Variants in DCT observed in about 807,000 individuals in gnomAD.
DCT encodes the protein L-dopachrome tautomerase.
A neutral mutation model predicts 53.0 loss-of-function variants in DCT; 47 were observed. That is an observed-to-expected ratio of 0.89 (90% CI 0.70 to 1.13). The LOEUF is 1.13. DCT is among the 50% of genes most tolerant of loss of function. The pLI, the probability that DCT is intolerant of heterozygous loss-of-function variation, is 0.00. For synonymous variants in DCT, 244 were observed against 237.0 expected, an observed-to-expected ratio of 1.03 and a Z score of -0.27; for missense variants, 669 against 637.4, an observed-to-expected ratio of 1.05 and a Z score of -0.53.
Position 94,460,077 on chromosome 13 carries a change from A to G in DCT, c.1179+14T>C. 4.3e-6 allele frequency: 7 copies of G among 1,611,512 alleles called. No individual in the cohort carries two copies. The highest frequency in any genetic ancestry group is 5.1e-6 in the Non-Finnish European group (6 of 1,179,390). On this transcript the variant is annotated intron_variant, in intron 6 of 7. Transcript: ENST00000377028. ...TCTAGAAAATTTTCATGCATTCTGAATCTTTGAACATACCACAAAAATGGG... is the reference window on the plus strand; with the variant it reads ...TCTAGAAAATTTTCATGCATTCTGAGTCTTTGAACATACCACAAAAATGGG...
chr13:94,532,146 G>C, the DCT span, among the ~76,000 whole-genome samples: 1 of 152,172 alleles, frequency 6.6e-6, no homozygotes, highest in Admixed American at 6.5e-5. Context: ...ACAGATGCTG[G>C]AGAGGATGCG....
chr13:94,538,623 T>C, the DCT span, among the ~76,000 whole-genome samples: 1 of 152,218 alleles, frequency 6.6e-6, no homozygotes, highest in Non-Finnish European at 1.5e-5. Flanking sequence ...CCATAGACCG[T>C]TGTGTTGAGC....
chr13:94,520,221 C>T, the DCT span, among the ~76,000 whole-genome samples: 6 of 152,148 alleles, frequency 3.9e-5, no homozygotes, highest in African/African-American at 9.7e-5. Context: ...AAAGACAACC[C>T]TTTGTTCTCT....
At chr13:94,467,575 C>A (rs1220240021) in intron 2 of DCT, 1 of 152,054 alleles carries the variant, frequency 6.6e-6, no homozygotes, top group Admixed American at 6.6e-5. Context: ...CCTTATCTAT[C>A]GATAAAGACA....
intron 2 of DCT, 72 bp from the exon 3 acceptor site, chr13:94,466,730 G>GTA (rs1594308918): frequency 1.0e-6 from 1 of 965,802 alleles, no homozygotes; most frequent in Non-Finnish European, 1.5e-6. Flanking sequence ...TACCTGGGCT[G>GTA]TATCTATAGA....
chr13:94,461,918 C>A, intron 5 of DCT, 92 bp downstream of exon 5: 1 of 1,150,440 alleles, frequency 8.7e-7, no homozygotes, highest in South Asian at 1.6e-5. Flanking sequence ...GTAGACAACC[C>A]CCAAAACCTG....
At chr13:94,464,177 G>T (rs1884005219) in intron 4 of DCT, among the ~76,000 whole-genome samples, 3 of 152,222 alleles carry the variant, frequency 2.0e-5, no homozygotes, top group South Asian at 4.1e-4. Flanking sequence ...AAATGTACAG[G>T]ATGTGGAAGA....
the DCT span, among the ~76,000 whole-genome samples, chr13:94,549,281 C>A: frequency 6.6e-6 from 1 of 152,252 alleles, no homozygotes; most frequent in African/African-American, 2.4e-5. Flanking sequence ...TTGCTGGCCC[C>A]GTGGACAGAC....
At chr13:94,478,125 A>T (rs1207880482) in intron 1 of DCT, among the ~76,000 whole-genome samples, 1 of 151,940 alleles carries the variant, frequency 6.6e-6, no homozygotes, top group Non-Finnish European at 1.5e-5. Context: ...AGTGACAAAA[A>T]GCCATTGTTA....
At chr13:94,541,778 A>G in the DCT span, among the ~76,000 whole-genome samples, 11 of 152,328 alleles carry the variant, frequency 7.2e-5, no homozygotes, top group Admixed American at 5.9e-4. Context: ...GTATCAAAAC[A>G]TCACATGTAC....
the DCT span, among the ~76,000 whole-genome samples, chr13:94,542,064 T>C: frequency 4.1e-3 from 624 of 152,330 alleles, 5 homozygotes; most frequent in African/African-American, 0.014. Context: ...ATCATGAAAC[T>C]GACATGAAAC....
rs150414191 is a variant in DCT, at chr13:94,458,658, C to T, written c.1179+1433G>A. Among the ~76,000 whole-genome samples the T allele has an allele frequency of 3.2e-3, 484 of 151,876 alleles. 5 individuals carry two copies. The highest frequency in any genetic ancestry group is 0.011 in the African/African-American group (464 of 41,424). On this transcript the variant is annotated intron_variant, in intron 6 of 7. Transcript: ENST00000377028. The stretch of plus-strand genomic sequence containing the variant: ...CTCTAGTAAAAATATAAAAATTAAC[C>T]GGGCGTGGTGGCGTGCAACTGTAGT...
At chr13:94,445,805 T>TA (rs911381193) in intron 6 of DCT, 15 of 1,419,468 alleles carry the variant, frequency 1.1e-5, no homozygotes, top group Admixed American at 9.9e-5. Context: ...TTGTAGTTCT[T>TA]ACATTCTCAG....
At chr13:94,546,223 G>T in the DCT span, among the ~76,000 whole-genome samples, 2 of 152,078 alleles carry the variant, frequency 1.3e-5, no homozygotes, top group African/African-American at 4.8e-5. The surrounding 1 kb of genome is among the most constrained non-coding windows in gnomAD (Gnocchi z 4.2). Context: ...CCCAGTCTCT[G>T]GAAGGACAGA....
At chr13:94,471,562 G>A (rs984925639) in intron 1 of DCT, among the ~76,000 whole-genome samples, 5 of 152,124 alleles carry the variant, frequency 3.3e-5, no homozygotes, top group South Asian at 4.1e-4. Context: ...AAGATGCTTC[G>A]TTTTATGGAC....
At chr13:94,501,460 C>T in the DCT span, among the ~76,000 whole-genome samples, 1 of 152,044 alleles carries the variant, frequency 6.6e-6, no homozygotes, top group African/African-American at 2.4e-5. Context: ...TTTCTAGTCA[C>T]CATCTGTTCC....
intron 6 of DCT, among the ~76,000 whole-genome samples, chr13:94,451,738 G>C (rs2139299677): frequency 6.6e-6 from 1 of 152,242 alleles, no homozygotes; most frequent in East Asian, 1.9e-4. Context: ...TAGAGGTTGA[G>C]TATGTTTTCA....
the DCT span, among the ~76,000 whole-genome samples, chr13:94,545,282 C>T: frequency 1.3e-5 from 2 of 151,952 alleles, no homozygotes; most frequent in Non-Finnish European, 2.9e-5. Flanking sequence ...CATGGTCAGA[C>T]CATATATAAA....
chr13:94,509,429 A>C, the DCT span, among the ~76,000 whole-genome samples: 82 of 128,972 alleles, frequency 6.4e-4, no homozygotes, highest in Non-Finnish European at 9.2e-4. Context: ...CCCCCTCCCC[A>C]CACACACACA....
Sources: allele counts gnomAD v4.1 joint callset (sites outside exome capture counted in the v4.1 genomes callset), GRCh38; gene constraint gnomAD v4.1.1; non-coding constraint Gnocchi (gnomAD v3.1); transcripts MANE v1.5; gene names NCBI Gene and HGNC (gene_info 2026-07-23, HGNC 2026-07-21).